The following IL1RAPL1 variants were observed in gnomAD, a reference collection of about 807,000 sequenced individuals.
IL1RAPL1 encodes the protein interleukin 1 receptor accessory protein like 1.
In IL1RAPL1, 3 loss-of-function variants were observed where a neutral mutation model predicts 48.4. The observed-to-expected ratio is 0.06, with a 90% CI of 0.03 to 0.16. The LOEUF (loss-of-function observed/expected upper bound fraction) is 0.16. Among genes scored for constraint, IL1RAPL1 ranks in the 10% least tolerant of loss-of-function variants. The pLI is 1.00. For missense variants in IL1RAPL1, 349 were observed against 530.6 expected, an observed-to-expected ratio of 0.66 and a Z score of 3.36; for synonymous variants, 185 against 187.7, an observed-to-expected ratio of 0.99 and a Z score of 0.12.
At chrX:29,436,508 C>T (rs1163613185) in intron 5 of IL1RAPL1, among the ~76,000 whole-genome samples, 1 of 109,405 alleles carries the variant, frequency 9.1e-6, no homozygotes, top group African/African-American at 3.3e-5. Context: ...GAAAAAAATA[C>T]AAAAGAATAT....
chrX:28,708,060 G>C (rs1313576180), intron 1 of IL1RAPL1, among the ~76,000 whole-genome samples: 1 of 111,507 alleles, frequency 9.0e-6, no homozygotes, highest in African/African-American at 3.3e-5. Context: ...CATTGACCCA[G>C]GGAGCTTGCA....
At chrX:29,463,533 C>T (rs1030898788) in intron 5 of IL1RAPL1, among the ~76,000 whole-genome samples, 3 of 111,158 alleles carry the variant, frequency 2.7e-5, no homozygotes, top group African/African-American at 9.8e-5. Context: ...TACCCTGGTC[C>T]CTTGTTTCTG....
At chrX:29,252,043 C>G (rs999365635) in intron 2 of IL1RAPL1, among the ~76,000 whole-genome samples, 1 of 50,865 alleles carries the variant, frequency 2.0e-5, no homozygotes, top group Non-Finnish European at 4.3e-5. Context: ...CGTGTTCTCA[C>G]TCATAAGTGG....
intron 5 of IL1RAPL1, among the ~76,000 whole-genome samples, chrX:29,617,600 C>T (rs62586510): frequency 0.016 from 1,804 of 111,808 alleles, 15 homozygotes; most frequent in Non-Finnish European, 0.025. Flanking sequence ...AAGCCGGCAA[C>T]GAAAGAAACT....
intron 6 of IL1RAPL1, among the ~76,000 whole-genome samples, chrX:29,749,583 A>G (rs1231607501): frequency 1.8e-5 from 2 of 111,958 alleles, no homozygotes; most frequent in Admixed American, 9.5e-5. Context: ...GTAAATGTCC[A>G]TGATAAAAGA....
At chrX:29,119,274 T>A (rs1252710191) in intron 2 of IL1RAPL1, among the ~76,000 whole-genome samples, 1 of 111,244 alleles carries the variant, frequency 9.0e-6, no homozygotes, top group Non-Finnish European at 1.9e-5. Flanking sequence ...TCTATAATTC[T>A]CCAAAAGTGG....
chrX:29,066,484 T>C (rs1470968282), intron 2 of IL1RAPL1, among the ~76,000 whole-genome samples: 1 of 112,434 alleles, frequency 8.9e-6, no homozygotes, highest in African/African-American at 3.2e-5. Context: ...CTCCACATTC[T>C]GATCCAGTTA....
intron 5 of IL1RAPL1, among the ~76,000 whole-genome samples, chrX:29,572,545 T>G (rs888514702): frequency 3.0e-4 from 34 of 112,473 alleles, no homozygotes; most frequent in Admixed American, 2.3e-3. Flanking sequence ...TAAAACCCTT[T>G]TTCAAAGGCA....
At chrX:28,859,329 G>T (rs927716164) in intron 2 of IL1RAPL1, among the ~76,000 whole-genome samples, 1 of 112,006 alleles carries the variant, frequency 8.9e-6, no homozygotes, top group African/African-American at 3.2e-5. Flanking sequence ...CGCAATCTTG[G>T]CTCACTGCAG....
chrX:29,811,786 C>G (rs1057211614), intron 6 of IL1RAPL1, among the ~76,000 whole-genome samples: 3 of 111,958 alleles, frequency 2.7e-5, no homozygotes, highest in Non-Finnish European at 5.6e-5. Context: ...TTAATTATAC[C>G]TCAATAAACT....
At chrX:29,113,769 T>C (rs1928620598) in intron 2 of IL1RAPL1, among the ~76,000 whole-genome samples, 1 of 111,481 alleles carries the variant, frequency 9.0e-6, no homozygotes, top group African/African-American at 3.3e-5. Context: ...ATTCCAGTAA[T>C]TTGTGTTCAG....
intron 2 of IL1RAPL1, among the ~76,000 whole-genome samples, chrX:28,914,784 G>T (rs1452798303): frequency 8.9e-6 from 1 of 112,456 alleles, no homozygotes; most frequent in African/African-American, 3.2e-5. Context: ...CTCAGCAAGA[G>T]ATATTCTGTA....
chrX:29,647,108 G>A (rs1219041661), intron 5 of IL1RAPL1, among the ~76,000 whole-genome samples: 1 of 112,361 alleles, frequency 8.9e-6, no homozygotes, highest in African/African-American at 3.2e-5. Context: ...CCAGCACTTT[G>A]GGAGGCTGAG....
In IL1RAPL1 at chrX:28,829,626, C is replaced by A. The variant is rs942245315; in HGVS notation, c.82+40201C>A. ...CCAGGCTGGAGTGCAGTGGCACAAT[C>A]TCGGCTCACTTCAACCTCTGCCTCC... is the stretch of plus-strand genomic sequence containing the variant. On this transcript the variant is annotated intron_variant, in intron 2 of 10. Coordinates refer to ENST00000378993, the MANE Select transcript of IL1RAPL1 (RefSeq NM_014271.4). 7.8e-5 allele frequency among the ~76,000 whole-genome samples: 8 copies of A among 102,851 alleles called. No homozygotes were observed. In the East Asian group the frequency reaches 2.5e-3, roughly 32 times the overall value. 89.3% of individuals were successfully genotyped at this position (102,851 alleles called of 115,157 possible).
intron 2 of IL1RAPL1, among the ~76,000 whole-genome samples, chrX:29,188,432 T>C (rs375687734): frequency 1.8e-5 from 2 of 111,097 alleles, no homozygotes; most frequent in East Asian, 5.6e-4. Context: ...AAACTGTAAA[T>C]GCCGAATTTA....
chrX:29,152,876 A>G (rs1220424818), intron 2 of IL1RAPL1, among the ~76,000 whole-genome samples: 4 of 112,375 alleles, frequency 3.6e-5, no homozygotes, highest in African/African-American at 1.3e-4. Context: ...AATAATTCTT[A>G]CAGTAAAATA....
intron 2 of IL1RAPL1, among the ~76,000 whole-genome samples, chrX:28,861,473 A>T (rs1368705444): frequency 1.8e-5 from 2 of 112,139 alleles, no homozygotes; most frequent in Admixed American, 1.9e-4. Context: ...TAAAGGCATT[A>T]ACTTTTTTCA....
intron 2 of IL1RAPL1, among the ~76,000 whole-genome samples, chrX:29,163,185 C>G (rs1260847315): frequency 9.0e-6 from 1 of 111,230 alleles, no homozygotes; most frequent in Non-Finnish European, 1.9e-5. Context: ...ATTTTCAGGG[C>G]AAATTTACTT....
intron 2 of IL1RAPL1, among the ~76,000 whole-genome samples, chrX:28,883,759 C>T (rs1386705727): frequency 8.9e-6 from 1 of 112,172 alleles, no homozygotes; most frequent in Non-Finnish European, 1.9e-5. Context: ...CACTTTTAAT[C>T]ATATAAAATA....
Sources: gnomAD v4.1 joint callset for allele counts (sites outside exome capture counted in the v4.1 genomes callset) on GRCh38, gnomAD v4.1.1 for gene constraint, MANE v1.5 for transcripts, NCBI Gene and HGNC (gene_info 2026-07-23, HGNC 2026-07-21) for gene names.